Variants in OPCML observed in about 807,000 individuals in gnomAD.
The protein encoded by OPCML is opioid-binding protein/cell adhesion molecule.
A neutral mutation model predicts 37.8 loss-of-function variants in OPCML; 13 were observed. The ratio of observed to expected loss-of-function variants is 0.34; its 90% CI spans 0.22 to 0.55. The LOEUF (loss-of-function observed/expected upper bound fraction) is 0.55, where lower values mean the gene tolerates loss of function less well. OPCML is among the 20% of genes least tolerant of loss of function. OPCML has a pLI of 0.91. For synonymous variants in OPCML, 176 were observed against 168.8 expected (o/e 1.04, Z -0.33); for missense variants, 341 against 435.6 (o/e 0.78, Z 1.93).
intron 2 of OPCML, among the ~76,000 whole-genome samples, chr11:132,691,608 G>A (rs569503460): frequency 1.3e-5 from 2 of 152,288 alleles, no homozygotes; most frequent in Admixed American, 6.5e-5. Context: ...ACAGCACCTG[G>A]TGTACTCCCA....
chr11:132,872,420 C>T (rs375171035), intron 2 of OPCML, among the ~76,000 whole-genome samples: 7 of 152,246 alleles, frequency 4.6e-5, no homozygotes, highest in Middle Eastern at 3.4e-3. Context: ...CATAATCACT[C>T]GTGACACCCT....
chr11:132,987,699 A>C (rs1415288943), intron 1 of OPCML, among the ~76,000 whole-genome samples: 2 of 152,086 alleles, frequency 1.3e-5, no homozygotes, highest in African/African-American at 4.8e-5. Context: ...ATATGGAGAG[A>C]AATGAATGAA....
intron 1 of OPCML, among the ~76,000 whole-genome samples, chr11:133,229,682 A>G (rs1268852696): frequency 6.6e-6 from 1 of 152,174 alleles, no homozygotes; most frequent in African/African-American, 2.4e-5. Flanking sequence ...TGTACATAGT[A>G]TATGCAGGAT....
intron 2 of OPCML, among the ~76,000 whole-genome samples, chr11:132,742,643 C>G (rs568664250): frequency 6.6e-6 from 1 of 151,700 alleles, no homozygotes; most frequent in Non-Finnish European, 1.5e-5. Context: ...CAAGACACTA[C>G]TAATGCAAAA....
intron 1 of OPCML, among the ~76,000 whole-genome samples, chr11:133,079,264 C>T (rs1282710417): frequency 6.6e-6 from 1 of 152,148 alleles, no homozygotes; most frequent in Non-Finnish European, 1.5e-5. Context: ...AAGAATGGAT[C>T]CATGGAGCAC....
In OPCML at chr11:133,141,124, G is replaced by A. The variant is rs144012334; in HGVS notation, c.62-198114C>T. On this transcript the variant is annotated intron_variant, in intron 1 of 7. Coordinates refer to ENST00000524381, the MANE Select transcript of OPCML (RefSeq NM_001012393.5). ...AGAAGAAGCAGCTGAATGCCAAAGT[G>A]TGTGGACTTGAGATTGCCTCCTGGA... 4.4e-4 allele frequency among the ~76,000 whole-genome samples: 66 copies of A among 149,950 alleles called. 11 individuals carry two copies. Among genetic ancestry groups the A allele is most frequent in the Non-Finnish European group, 7.2e-4 (48 of 66,836 alleles).
intron 1 of OPCML, among the ~76,000 whole-genome samples, chr11:133,395,501 G>A (rs1945265062): frequency 6.6e-6 from 1 of 152,104 alleles, no homozygotes; most frequent in Non-Finnish European, 1.5e-5. Context: ...TTTCCCTAAT[G>A]TTTTCCTGTA....
intron 2 of OPCML, among the ~76,000 whole-genome samples, chr11:132,743,711 A>C (rs1216876068): frequency 2.0e-5 from 3 of 152,214 alleles, no homozygotes; most frequent in African/African-American, 7.2e-5. Context: ...TTTACACCAC[A>C]TTCCTCAGAA....
At chr11:133,289,935 C>T (rs1020465717) in intron 1 of OPCML, among the ~76,000 whole-genome samples, 3 of 152,152 alleles carry the variant, frequency 2.0e-5, no homozygotes, top group Non-Finnish European at 2.9e-5. Flanking sequence ...TGTTCTGACC[C>T]GGCCATCTAA....
intron 2 of OPCML, among the ~76,000 whole-genome samples, chr11:132,890,682 TAA>T (rs368939079): frequency 4.5e-5 from 6 of 134,230 alleles, no homozygotes; most frequent in Admixed American, 7.5e-5. Flanking sequence ...CTGTCTCTAC[TAA>T]AAAAAAAAAA....
At chr11:132,946,263 T>C (rs529474694) in intron 1 of OPCML, among the ~76,000 whole-genome samples, 2 of 152,298 alleles carry the variant, frequency 1.3e-5, no homozygotes, top group Non-Finnish European at 2.9e-5. Flanking sequence ...TGCCTTCTTC[T>C]AAATCCCTCC....
chr11:133,090,168 T>C (rs1430099634), intron 1 of OPCML, among the ~76,000 whole-genome samples: 1 of 152,112 alleles, frequency 6.6e-6, no homozygotes, highest in African/African-American at 2.4e-5. Flanking sequence ...CTTCTCCTCC[T>C]AGATACCTAA....
intron 1 of OPCML, among the ~76,000 whole-genome samples, chr11:133,470,777 G>A (rs1221470597): frequency 1.3e-5 from 2 of 152,218 alleles, no homozygotes; most frequent in Non-Finnish European, 2.9e-5. Context: ...AAGCAAACAG[G>A]GATGGGAATG....
intron 3 of OPCML, among the ~76,000 whole-genome samples, chr11:132,604,793 A>G (rs1439499756): frequency 1.3e-5 from 2 of 152,174 alleles, no homozygotes; most frequent in Non-Finnish European, 2.9e-5. Context: ...GGAAACTAAC[A>G]AAGTTTTCAG....
At chr11:132,855,047 G>A (rs1380000093) in intron 2 of OPCML, among the ~76,000 whole-genome samples, 1 of 152,206 alleles carries the variant, frequency 6.6e-6, no homozygotes, top group Non-Finnish European at 1.5e-5. Flanking sequence ...AAGGCTATGA[G>A]ATTAGGATTA....
intron 3 of OPCML, among the ~76,000 whole-genome samples, chr11:132,536,246 C>T (rs2096340552): frequency 6.6e-6 from 1 of 152,204 alleles, no homozygotes; most frequent in South Asian, 2.1e-4. Context: ...TGTCTCTGAC[C>T]AGTCACAATA....
At chr11:133,111,340 A>C (rs1170133988) in intron 1 of OPCML, among the ~76,000 whole-genome samples, 1 of 152,172 alleles carries the variant, frequency 6.6e-6, no homozygotes, top group African/African-American at 2.4e-5. Context: ...AGACTAAAAC[A>C]CAAGTGTCCC....
intron 1 of OPCML, among the ~76,000 whole-genome samples, chr11:133,499,385 A>G (rs1369531479): frequency 1.3e-5 from 2 of 152,184 alleles, no homozygotes; most frequent in East Asian, 3.9e-4. Flanking sequence ...AAATAGTGTT[A>G]ACATCTGTTA....
At chr11:133,486,279 T>C (rs1053022306) in intron 1 of OPCML, among the ~76,000 whole-genome samples, 1 of 152,178 alleles carries the variant, frequency 6.6e-6, no homozygotes, top group African/African-American at 2.4e-5. Context: ...TTCCTCTGTT[T>C]CATTCTTTCC....
Sources: allele counts gnomAD v4.1 joint callset (sites outside exome capture counted in the v4.1 genomes callset), GRCh38; gene constraint gnomAD v4.1.1; transcripts MANE v1.5; gene names NCBI Gene and HGNC (gene_info 2026-07-23, HGNC 2026-07-21).